Variants in PDCD2L observed in about 807,000 individuals in gnomAD.
The protein encoded by PDCD2L is uS5 assembly chaperone PDCD2L.
PDCD2L carries 44 observed loss-of-function variants against 40.4 expected under a neutral mutation model. The observed-to-expected ratio is 1.09, with a 90% confidence interval of 0.86 to 1.40. The LOEUF is 1.40. Among genes scored for constraint, PDCD2L ranks in the 40% most tolerant of loss-of-function variants. PDCD2L has a pLI of 0.00. For synonymous variants in PDCD2L, 194 were observed against 174.6 expected, an observed-to-expected ratio of 1.11 and a Z score of -0.88; for missense variants, 470 against 453.7, an observed-to-expected ratio of 1.04 and a Z score of -0.33.
chr19:34,412,899 C>T (rs188393267), intron 4 of PDCD2L, among the ~76,000 whole-genome samples: 4 of 152,060 alleles, frequency 2.6e-5, no homozygotes, highest in Admixed American at 2.6e-4. Context: ...CCACCATGCC[C>T]AGCTAATTTT....
chr19:34,415,303 G>T (rs754533065), intron 5 of PDCD2L, among the ~76,000 whole-genome samples: 1 of 151,938 alleles, frequency 6.6e-6, no homozygotes, highest in Admixed American at 6.6e-5. Context: ...TAGTGGAGAC[G>T]GAGTTTTACC....
In PDCD2L at chr19:34,413,905, A is replaced by T; in HGVS notation, c.797+58A>T. 13 of 1,123,996 alleles carry T rather than the reference A, an allele frequency of 1.2e-5. No homozygotes were observed. In the South Asian group the frequency reaches 1.6e-4, roughly 14 times the overall value. The allele number at this position is 1,123,996 out of a possible 1,614,324, so 69.6% of individuals were successfully genotyped here. A position where few individuals can be genotyped will look rare whatever the true frequency, so the allele number is the denominator to read the frequency against. The stretch of plus-strand genomic sequence containing the variant: ...CCTTGATTATAAAGGAATACATATT[A>T]GTTTGGAAAACACAGGAAAATATGA... On this transcript the variant is annotated intron_variant, in intron 5 of 6. Transcript: ENST00000246535.
intron 5 of PDCD2L, among the ~76,000 whole-genome samples, chr19:34,416,418 A>G: frequency 6.6e-6 from 1 of 152,150 alleles, no homozygotes; most frequent in Non-Finnish European, 1.5e-5. Flanking sequence ...ATGATTGGAA[A>G]GTTAAGAGCA....
intron 4 of PDCD2L, among the ~76,000 whole-genome samples, chr19:34,410,762 T>TTATATTTG (rs146147218): frequency 6.8e-6 from 1 of 146,248 alleles, no homozygotes; most frequent in African/African-American, 2.5e-5. Context: ...ACTTTTTATT[T>TTATATTTG]TTTATTTATT....
chr19:34,412,535 T>C (rs2075108475), intron 4 of PDCD2L, among the ~76,000 whole-genome samples: 1 of 151,984 alleles, frequency 6.6e-6, no homozygotes, highest in African/African-American at 2.4e-5. Flanking sequence ...CTGGCCGACG[T>C]GGTGAAACCT....
intron 2 of PDCD2L, 46 bp downstream of exon 2, chr19:34,404,861 C>T (rs199618298): frequency 1.2e-6 from 2 of 1,606,790 alleles, no homozygotes; most frequent in Non-Finnish European, 1.7e-6. Context: ...TCCTTTCCAG[C>T]GGGCTGGGGC....
Position 34,415,797 on chromosome 19 carries a change from T to C in PDCD2L, c.797+1950T>C, listed in dbSNP as rs537812124. On this transcript the variant is annotated intron_variant, in intron 5 of 6. Coordinates refer to ENST00000246535, the MANE Select transcript of PDCD2L (RefSeq NM_032346.2). ...CTTGAGTGTTTAACATATATATTTA[T>C]TCACTTATGTAACTAAGTTATCTTT... Among the ~76,000 whole-genome samples, 19 of 152,356 alleles carry C rather than the reference T, an allele frequency of 1.2e-4. 1 individual carries two copies. The South Asian group carries it at 3.9e-3, about 32-fold the overall frequency.
chr19:34,417,513 CAGA>C (rs1157562552), intron 5 of PDCD2L, among the ~76,000 whole-genome samples: 3 of 151,420 alleles, frequency 2.0e-5, no homozygotes, highest in Admixed American at 6.6e-5. Context: ...GAGGCTGAGG[CAGA>C]AGAATTGCTT....
intron 5 of PDCD2L, among the ~76,000 whole-genome samples, chr19:34,416,152 TTC>T (rs1430937940): frequency 1.3e-5 from 2 of 152,146 alleles, no homozygotes; most frequent in Non-Finnish European, 2.9e-5. Context: ...AACTCCCGAC[TTC>T]TGGTGATCCA....
chr19:34,425,059 C>T (rs1335398278), intron 6 of PDCD2L, among the ~76,000 whole-genome samples: 1 of 152,128 alleles, frequency 6.6e-6, no homozygotes, highest in Non-Finnish European at 1.5e-5. Context: ...CCAATGCATA[C>T]ATTTTTAAAC....
At position 34,413,100 on chromosome 19, in the gene PDCD2L, G is replaced by A. The variant is rs565255266; in HGVS notation, c.687-637G>A. Among the ~76,000 whole-genome samples the A allele has an allele frequency of 1.1e-4, 16 of 151,280 alleles. No individual in the cohort carries two copies. The South Asian group carries it at 1.7e-3, about 16-fold the overall frequency. On this transcript the variant is annotated intron_variant, in intron 4 of 6. Transcript: ENST00000246535. ...CTTGCCCAGGCTGGAGTGCAATAGCGCAATCTTGGCTCACTGCAACCTCCA... is the reference window on the plus strand; with the variant it reads ...CTTGCCCAGGCTGGAGTGCAATAGCACAATCTTGGCTCACTGCAACCTCCA...
At chr19:34,412,452 T>C (rs551149680) in intron 4 of PDCD2L, among the ~76,000 whole-genome samples, 4 of 152,112 alleles carry the variant, frequency 2.6e-5, no homozygotes, top group Non-Finnish European at 5.9e-5. Context: ...CTGAGTGCGG[T>C]GGCTCACTCC....
intron 5 of PDCD2L, among the ~76,000 whole-genome samples, chr19:34,418,509 C>T (rs1286777841): frequency 6.6e-6 from 1 of 152,086 alleles, no homozygotes; most frequent in South Asian, 2.1e-4. Flanking sequence ...ATGGATGTGC[C>T]ACTATACATT....
At position 34,404,427 on chromosome 19, in the gene PDCD2L, G is replaced by A. The variant is rs946807977; in HGVS notation, c.-4G>A. On this transcript the variant is annotated 5_prime_UTR_variant, in exon 1 of 7. Transcript: ENST00000246535. ...TTGCGTTTTCACCTGGTCGCCCGGC[G>A]GCCATGGCGGCCGTTCTGAAGCCGG... 3.9e-6 allele frequency: 6 copies of A among 1,540,464 alleles called. No individual in the cohort carries two copies. Among genetic ancestry groups the A allele is most frequent in the Middle Eastern group, 2.3e-4 (1 of 4,342 alleles).
chr19:34,424,745 ATT>A (rs34350684), intron 6 of PDCD2L, among the ~76,000 whole-genome samples: 3 of 130,682 alleles, frequency 2.3e-5, no homozygotes, highest in Non-Finnish European at 3.1e-5. Flanking sequence ...CCATTTTTTC[ATT>A]TTTTTTTTTT....
chr19:34,417,074 A>G (rs188510305), intron 5 of PDCD2L, among the ~76,000 whole-genome samples: 464 of 152,262 alleles, frequency 3.0e-3, no homozygotes, highest in Middle Eastern at 6.8e-3. Context: ...AGATCGTGCC[A>G]CTGCACTCCA....
Position 34,421,516 on chromosome 19 carries a change from T to A in PDCD2L, c.798-3T>A, listed in dbSNP as rs774632284. ...TTCGGGGTTCTTTGTTTCCTTGTCC[T>A]AGGTATTCCTGGAGTGGAGAGCCAC... On this transcript the variant is annotated splice_polypyrimidine_tract_variant and splice_region_variant and intron_variant, in intron 5 of 6. Coordinates refer to ENST00000246535, the MANE Select transcript of PDCD2L (RefSeq NM_032346.2). 2.5e-6 allele frequency: 4 copies of A among 1,614,002 alleles called. No individual in the cohort carries two copies. In the South Asian group the frequency reaches 4.4e-5, roughly 18 times the overall value.
At chr19:34,406,939 T>C (rs2075079394) in intron 3 of PDCD2L, among the ~76,000 whole-genome samples, 1 of 150,644 alleles carries the variant, frequency 6.6e-6, no homozygotes, top group South Asian at 2.1e-4. Flanking sequence ...TGCAAGCGCT[T>C]ATCCTGCCTG....
At chr19:34,413,986 A>G (rs1185648872) in intron 5 of PDCD2L, 139 bp downstream of exon 5, 7 of 586,378 alleles carry the variant, frequency 1.2e-5, no homozygotes, top group Admixed American at 9.3e-5. Context: ...TACCTGCTTT[A>G]TAGGACCTAA....
Sources: allele counts gnomAD v4.1 joint callset (sites outside exome capture counted in the v4.1 genomes callset), GRCh38; gene constraint gnomAD v4.1.1; transcripts MANE v1.5; gene names NCBI Gene and HGNC (gene_info 2026-07-23, HGNC 2026-07-21).